Variants in RNF180 observed in about 807,000 individuals in gnomAD.
The protein encoded by RNF180 is ring finger protein 180, also known as E3 ubiquitin-protein ligase RNF180.
A neutral mutation model predicts 59.2 loss-of-function variants in RNF180; 38 were observed. The ratio of observed to expected loss-of-function variants is 0.64; its 90% confidence interval spans 0.50 to 0.84. The LOEUF (loss-of-function observed/expected upper bound fraction) is 0.84. RNF180 is among the 40% of genes least tolerant of loss of function. The pLI is 0.00. For synonymous variants in RNF180, 262 were observed against 240.3 expected (o/e 1.09, Z -0.84); for missense variants, 705 against 700.9 (o/e 1.01, Z -0.07).
intron 5 of RNF180, among the ~76,000 whole-genome samples, chr5:64,250,428 C>A (rs571545655): frequency 6.6e-6 from 1 of 151,834 alleles, no homozygotes; most frequent in South Asian, 2.1e-4. Flanking sequence ...GGGCAGAAAT[C>A]AATGAAATGT....
At chr5:64,216,688 T>C (rs1281366717) in intron 4 of RNF180, among the ~76,000 whole-genome samples, 1 of 152,146 alleles carries the variant, frequency 6.6e-6, no homozygotes, top group Non-Finnish European at 1.5e-5. Flanking sequence ...GTAAATGAGA[T>C]TGATATTAAA....
intron 7 of RNF180, among the ~76,000 whole-genome samples, chr5:64,354,088 C>G (rs1228457124): frequency 2.6e-5 from 4 of 151,064 alleles, no homozygotes; most frequent in Non-Finnish European, 5.9e-5. Flanking sequence ...CTCTAAACCC[C>G]AAGCTAGCAG....
Position 64,214,121 on chromosome 5 carries a change from C to G in RNF180, c.795C>G (p.Asp265Glu). The stretch of plus-strand genomic sequence containing the variant: ...GACTAAATGAAACACAGCCTATTGA[C>G]CTTTCAGGCTTGCCTTTACAATCTA... ...YSRLNETQPI[D>E]LSGLPLQSSK... is the part of the protein sequence containing the mutation. Residue 265 changes from aspartate (D) to glutamate (E), a missense_variant, in exon 4 of 8, where the codon GAC becomes GAG. Transcript: ENST00000389100. 1 of 1,614,016 alleles carries G rather than the reference C, an allele frequency of 6.2e-7. No individual in the cohort carries two copies. The highest frequency in any genetic ancestry group is 8.5e-7 in the Non-Finnish European group (1 of 1,179,958).
At chr5:64,256,416 A>G (rs964230326) in intron 5 of RNF180, among the ~76,000 whole-genome samples, 1 of 152,298 alleles carries the variant, frequency 6.6e-6, no homozygotes, top group Non-Finnish European at 1.5e-5. Flanking sequence ...AGCTTTCTAC[A>G]TATGGCTAGC....
At chr5:64,330,179 T>C (rs983165069) in intron 6 of RNF180, 102 bp from the exon 7 acceptor site, 1 of 796,056 alleles carries the variant, frequency 1.3e-6, no homozygotes, top group African/African-American at 1.8e-5. Context: ...GAGGTGTGAA[T>C]TGTATCAAAT....
At chr5:64,252,470 C>G (rs1417969039) in intron 5 of RNF180, among the ~76,000 whole-genome samples, 1 of 152,102 alleles carries the variant, frequency 6.6e-6, no homozygotes, top group African/African-American at 2.4e-5. Flanking sequence ...TGAGGTAATA[C>G]ATATATTAAT....
chr5:64,184,350 G>A (rs1396433948), intron 1 of RNF180, among the ~76,000 whole-genome samples: 2 of 151,954 alleles, frequency 1.3e-5, no homozygotes, highest in Admixed American at 6.5e-5. Flanking sequence ...AGCCTTATTT[G>A]CCCATTATAA....
chr5:64,276,897 A>G (rs892245877), intron 5 of RNF180, among the ~76,000 whole-genome samples: 1 of 152,020 alleles, frequency 6.6e-6, no homozygotes, highest in Non-Finnish European at 1.5e-5. Context: ...GGCCCTTGAT[A>G]TCCATGCCTT....
At chr5:64,228,192 T>C (rs1741889666) in intron 5 of RNF180, among the ~76,000 whole-genome samples, 1 of 152,178 alleles carries the variant, frequency 6.6e-6, no homozygotes, top group Non-Finnish European at 1.5e-5. Context: ...GGCTGAAAAC[T>C]GAAAATATAT....
chr5:64,265,545 G>A (rs543355941), intron 5 of RNF180, among the ~76,000 whole-genome samples: 7 of 152,122 alleles, frequency 4.6e-5, no homozygotes, highest in South Asian at 4.2e-4. Context: ...GTAGATGTGC[G>A]GTATTACTTC....
At chr5:64,220,383 C>T (rs765901111) in intron 5 of RNF180, among the ~76,000 whole-genome samples, 4 of 151,408 alleles carry the variant, frequency 2.6e-5, no homozygotes, top group Admixed American at 6.6e-5. Context: ...TATAAATTTC[C>T]TTTACTGTAT....
chr5:64,172,380 C>A (rs912809933), intron 1 of RNF180, among the ~76,000 whole-genome samples: 5 of 152,092 alleles, frequency 3.3e-5, no homozygotes, highest in African/African-American at 4.8e-5. Context: ...TGTCTCCCCC[C>A]ACCCCCCACA....
intron 7 of RNF180, among the ~76,000 whole-genome samples, chr5:64,369,085 A>G (rs1283557860): frequency 6.6e-6 from 1 of 152,090 alleles, no homozygotes; most frequent in African/African-American, 2.4e-5. Flanking sequence ...GATAGATTGG[A>G]TTAAGAAAAT....
intron 5 of RNF180, among the ~76,000 whole-genome samples, chr5:64,218,363 G>T (rs1161833612): frequency 6.6e-6 from 1 of 152,134 alleles, no homozygotes; most frequent in African/African-American, 2.4e-5. Context: ...TTCAGCACCA[G>T]TTGTTGAAAA....
intron 5 of RNF180, among the ~76,000 whole-genome samples, chr5:64,273,516 A>G (rs189882583): frequency 1.3e-5 from 2 of 152,180 alleles, no homozygotes; most frequent in African/African-American, 4.8e-5. Flanking sequence ...AAGAATGAGC[A>G]AGGAGTTAGG....
At position 64,256,517 on chromosome 5, in the gene RNF180, T is replaced by A. The variant is rs555849040; in HGVS notation, c.1227+39121T>A. ...GTCAAAGATCAGATGGTTGTAGGTG[T>A]GTAGTATTATTTCTGAGGGCTCTGT... On this transcript the variant is annotated intron_variant, in intron 5 of 7. Transcript: ENST00000389100. Among the ~76,000 whole-genome samples, 12 of 152,308 alleles carry A rather than the reference T, an allele frequency of 7.9e-5. No homozygotes were observed. The South Asian group carries it at 2.5e-3, about 32-fold the overall frequency.
chr5:64,199,093 C>T (rs866069304), intron 1 of RNF180, among the ~76,000 whole-genome samples: 19 of 152,174 alleles, frequency 1.2e-4, no homozygotes, highest in South Asian at 1.0e-3. Context: ...GCTGGGATTA[C>T]GGGCGTGAGC....
chr5:64,326,076 A>G (rs1744622303), intron 6 of RNF180, among the ~76,000 whole-genome samples: 1 of 152,166 alleles, frequency 6.6e-6, no homozygotes, highest in African/African-American at 2.4e-5. Flanking sequence ...CTATCTTCAC[A>G]TTCTCCTCTC....
At position 64,322,761 on chromosome 5, in the gene RNF180, G is replaced by A. The variant is rs544317124; in HGVS notation, c.1228-2425G>A. Among the ~76,000 whole-genome samples, 69 of 152,122 alleles carry A rather than the reference G, an allele frequency of 4.5e-4. 3 individuals are homozygous for A. The South Asian group carries it at 0.013, about 28-fold the overall frequency. On this transcript the variant is annotated intron_variant, in intron 5 of 7. Coordinates refer to ENST00000389100, the MANE Select transcript of RNF180 (RefSeq NM_001113561.2). ...AGGAATGGAAAACCAAACATTGTAT[G>A]TTCTCACTCATAAGTGGGAGCTTAA...
Sources: allele counts gnomAD v4.1 joint callset (sites outside exome capture counted in the v4.1 genomes callset), GRCh38; gene constraint gnomAD v4.1.1; transcripts MANE v1.5; gene names NCBI Gene and HGNC (gene_info 2026-07-23, HGNC 2026-07-21).